The following NECAB1 variants were observed in gnomAD, a reference collection of about 807,000 sequenced individuals.
NECAB1 encodes the protein N-terminal EF-hand calcium binding protein 1.
A neutral mutation model predicts 57.5 loss-of-function variants in NECAB1; 29 were observed. The ratio of observed to expected loss-of-function variants is 0.50; its 90% CI spans 0.38 to 0.69. The LOEUF (loss-of-function observed/expected upper bound fraction) is 0.69, where lower values mean the gene tolerates loss of function less well. NECAB1 is among the 30% of genes least tolerant of loss of function. The pLI, the probability that NECAB1 is intolerant of heterozygous loss-of-function variation, is 0.00. For synonymous variants in NECAB1, 142 were observed against 147.7 expected (o/e 0.96, Z 0.28); for missense variants, 372 against 413.8 (o/e 0.90, Z 0.88).
At chr8:90,955,117 TATATATATATATA>T (rs1811005924) in intron 12 of NECAB1, among the ~76,000 whole-genome samples, 2 of 86,860 alleles carry the variant, frequency 2.3e-5, no homozygotes, top group African/African-American at 1.4e-4. Context: ...ATAAATTATA[TATATATATATATA>T]TATATATATA....
intron 3 of NECAB1, among the ~76,000 whole-genome samples, chr8:90,833,764 G>T (rs1304279923): frequency 6.6e-6 from 1 of 152,160 alleles, no homozygotes; most frequent in Non-Finnish European, 1.5e-5. Context: ...TTCGTGGACA[G>T]TATTTTTCCT....
At chr8:90,875,908 G>T (rs956949862) in intron 4 of NECAB1, among the ~76,000 whole-genome samples, 1 of 151,446 alleles carries the variant, frequency 6.6e-6, no homozygotes, top group Non-Finnish European at 1.5e-5. Context: ...TACTCTGGAG[G>T]CTGAGGCAGG....
intron 5 of NECAB1, among the ~76,000 whole-genome samples, chr8:90,914,504 C>A (rs1809905799): frequency 6.6e-6 from 1 of 152,038 alleles, no homozygotes. Context: ...ATAATTGACT[C>A]AAAAAATTTA....
At chr8:90,859,287 G>A (rs1291281516) in intron 3 of NECAB1, 1 of 152,222 alleles carries the variant, frequency 6.6e-6, no homozygotes, top group Non-Finnish European at 1.5e-5. Flanking sequence ...GAATGCCTGG[G>A]TGTTGGCCAA....
At chr8:90,889,761 T>C (rs1809108153) in intron 5 of NECAB1, among the ~76,000 whole-genome samples, 1 of 152,182 alleles carries the variant, frequency 6.6e-6, no homozygotes, top group African/African-American at 2.4e-5. Context: ...AAGAGAGAGA[T>C]GGGCTGGGCG....
At chr8:90,867,549 TTCTA>T (rs146511295) in intron 3 of NECAB1, among the ~76,000 whole-genome samples, 6,259 of 152,244 alleles carry the variant, frequency 0.041, 441 homozygotes, top group African/African-American at 0.14. Context: ...ATCTATTCAT[TTCTA>T]TCTATCATTC....
chr8:90,915,493 G>A lies in NECAB1; in HGVS notation c.358-1999G>A, dbSNP rs190782588. Among the ~76,000 whole-genome samples the A allele has an allele frequency of 9.2e-5, 14 of 152,030 alleles. 1 individual carries two copies. The highest frequency in any genetic ancestry group is 5.8e-4 in the East Asian group (3 of 5,180). ...CATGTAATGGTTATGTTTAGTTTAC[G>A]GTTAGTTTCTTAAATGGAGTTTAAA... is the stretch of plus-strand genomic sequence containing the variant. On this transcript the variant is annotated intron_variant, in intron 5 of 12. Coordinates refer to ENST00000417640, the MANE Select transcript of NECAB1 (RefSeq NM_022351.5).
intron 3 of NECAB1, among the ~76,000 whole-genome samples, chr8:90,837,948 A>G (rs1364168053): frequency 6.6e-6 from 1 of 152,100 alleles, no homozygotes; most frequent in Admixed American, 6.5e-5. Context: ...TTTGCCCTTT[A>G]TATTTTACAT....
chr8:90,880,955 T>C, intron 4 of NECAB1, 78 bp from the exon 5 acceptor site: 1 of 1,036,108 alleles, frequency 9.7e-7, no homozygotes. Flanking sequence ...ATTTAAGGAG[T>C]AAATAATTAG....
chr8:90,815,146 C>G (rs1812037355), intron 2 of NECAB1, among the ~76,000 whole-genome samples: 1 of 151,954 alleles, frequency 6.6e-6, no homozygotes, highest in South Asian at 2.1e-4. Context: ...TTGTTTAATC[C>G]CAGTCTACAT....
intron 7 of NECAB1, among the ~76,000 whole-genome samples, chr8:90,927,902 G>A (rs1388687460): frequency 6.6e-6 from 1 of 151,724 alleles, no homozygotes; most frequent in Non-Finnish European, 1.5e-5. Context: ...TAGAATTGTT[G>A]ATTGATGCTT....
intron 3 of NECAB1, among the ~76,000 whole-genome samples, chr8:90,845,704 G>A (rs1411135891): frequency 6.6e-6 from 1 of 152,146 alleles, no homozygotes; most frequent in African/African-American, 2.4e-5. Flanking sequence ...AAAAATCAAA[G>A]TGTAAATGCT....
chr8:90,814,941 A>G (rs1447879234), intron 2 of NECAB1, among the ~76,000 whole-genome samples: 1 of 152,160 alleles, frequency 6.6e-6, no homozygotes, highest in Non-Finnish European at 1.5e-5. Context: ...TAACCCATGT[A>G]TATGCACATA....
At chr8:90,872,726 A>G (rs925213740) in intron 4 of NECAB1, among the ~76,000 whole-genome samples, 1 of 152,178 alleles carries the variant, frequency 6.6e-6, no homozygotes, top group African/African-American at 2.4e-5. Context: ...AAAATTTTAA[A>G]ATTTTATTAT....
At chr8:90,866,497 G>A (rs1341065551) in intron 3 of NECAB1, among the ~76,000 whole-genome samples, 1 of 152,178 alleles carries the variant, frequency 6.6e-6, no homozygotes, top group East Asian at 1.9e-4. Flanking sequence ...ACTGATGGGT[G>A]AAGAAGAGAA....
At chr8:90,825,287 A>C (rs1812204897) in intron 3 of NECAB1, among the ~76,000 whole-genome samples, 1 of 151,878 alleles carries the variant, frequency 6.6e-6, no homozygotes, top group African/African-American at 2.4e-5. Flanking sequence ...CTGAGGACAT[A>C]ATTATCTCTG....
chr8:90,808,696 A>C (rs557847361), intron 2 of NECAB1, among the ~76,000 whole-genome samples: 1 of 119,182 alleles, frequency 8.4e-6, no homozygotes, highest in African/African-American at 3.4e-5. Context: ...CCCAGGCTGG[A>C]GTGCAGTGGC....
intron 2 of NECAB1, 50 bp from the exon 3 acceptor site, chr8:90,824,667 C>A (rs1219860941): frequency 8.1e-7 from 1 of 1,227,930 alleles, no homozygotes; most frequent in Non-Finnish European, 1.1e-6. Context: ...AAAAACAGAA[C>A]AATGTACAAA....
chr8:90,947,044 A>G (rs1810818335), intron 10 of NECAB1, among the ~76,000 whole-genome samples: 1 of 152,162 alleles, frequency 6.6e-6, no homozygotes, highest in African/African-American at 2.4e-5. Context: ...TGCTTAAATT[A>G]GACCCTGGAA....
Sources: allele counts gnomAD v4.1 joint callset (sites outside exome capture counted in the v4.1 genomes callset), GRCh38; gene constraint gnomAD v4.1.1; transcripts MANE v1.5; gene names NCBI Gene and HGNC (gene_info 2026-07-23, HGNC 2026-07-21).